Variants in GABRE observed in about 807,000 individuals in gnomAD.
The protein encoded by GABRE is gamma-aminobutyric acid type A receptor subunit epsilon.
Under a neutral mutation model 31.0 loss-of-function variants are expected in GABRE, and 20 were observed. The ratio of observed to expected loss-of-function variants is 0.64; its 90% CI spans 0.45 to 0.94. The LOEUF (loss-of-function observed/expected upper bound fraction) is 0.94, where lower values mean the gene tolerates loss of function less well. GABRE is among the 40% of genes least tolerant of loss of function. The probability of loss-of-function intolerance (pLI) is 0.00; values close to 1 mark genes in which losing one functional copy is unlikely to be tolerated. For missense variants in GABRE, 420 were observed against 410.7 expected (o/e 1.02, Z -0.20); for synonymous variants, 155 against 150.6 (o/e 1.03, Z -0.21).
At chrX:151,970,779 G>A (rs1310533028) in intron 1 of GABRE, among the ~76,000 whole-genome samples, 3 of 112,538 alleles carry the variant, frequency 2.7e-5, no homozygotes, top group Non-Finnish European at 5.6e-5. Context: ...CCAGGAGTGA[G>A]GAGCAGGCAG....
chrX:151,966,553 G>A (rs1216382699), intron 3 of GABRE, among the ~76,000 whole-genome samples: 2 of 112,080 alleles, frequency 1.8e-5, no homozygotes, highest in African/African-American at 3.2e-5. Flanking sequence ...CCTAACGGCA[G>A]CTTTGGCTTC....
In GABRE at chrX:151,954,867, C is replaced by T. The variant is rs747589943; in HGVS notation, c.1355G>A (p.Arg452His). ...GACCATGCAGAAGTACTTCTTAAAA[C>T]GCTTGCACCACTCACAGCAGGCCAG... ...SKLACCEWCK[R>H]FKKYFCMVPD... The change falls in exon 9 of 9, where the codon CGT (arginine) becomes CAT (histidine). Residue 452 changes from arginine (R) to histidine (H), a missense_variant. Coordinates refer to ENST00000370328, the MANE Select transcript of GABRE (RefSeq NM_004961.4). 1.2e-5 allele frequency: 14 copies of T among 1,210,192 alleles called. No individual in the cohort carries two copies. The highest frequency in any genetic ancestry group is 3.5e-5 in the African/African-American group (2 of 57,367).
Position 151,955,975 on chromosome X carries a change from G to T in GABRE, c.785-115C>A, listed in dbSNP as rs1452103387. The stretch of plus-strand genomic sequence containing the variant: ...GCTCACAGTATTCCCTAGGATAGAG[G>T]CATGATGTGACAATGCAATACATAC... On this transcript the variant is annotated intron_variant, in intron 6 of 8. Coordinates refer to ENST00000370328, the MANE Select transcript of GABRE (RefSeq NM_004961.4). 2.3e-5 allele frequency: 17 copies of T among 736,988 alleles called. No individual in the cohort carries two copies. In the African/African-American group the frequency reaches 2.6e-4, roughly 11 times the overall value. The allele number at this position is 736,988 out of a possible 1,213,427, so 60.7% of individuals were successfully genotyped here. A position where few individuals can be genotyped will look rare whatever the true frequency, so the allele number is the denominator to read the frequency against.
intron 3 of GABRE, among the ~76,000 whole-genome samples, chrX:151,965,018 G>A (rs1934485777): frequency 9.0e-6 from 1 of 111,444 alleles, no homozygotes; most frequent in Admixed American, 9.5e-5. Context: ...ATGCATGGTG[G>A]CAGGCATCTG....
chrX:151,963,497 C>G (rs1270505848), intron 3 of GABRE, among the ~76,000 whole-genome samples: 1 of 112,463 alleles, frequency 8.9e-6, no homozygotes, highest in Non-Finnish European at 1.9e-5. Context: ...GTCAACCACA[C>G]ATTTGAAAAT....
chrX:151,956,085 T>C (rs765737379), intron 6 of GABRE: 4 of 407,077 alleles, frequency 9.8e-6, no homozygotes, highest in African/African-American at 2.5e-5. Flanking sequence ...AGAATCTTAA[T>C]AGCTTCCTTC....
In GABRE at chrX:151,955,824, C is replaced by A. The variant is rs767558731; in HGVS notation, c.821G>T (p.Ser274Ile). 8.3e-7 allele frequency: 1 copy of A among 1,210,416 alleles called. No homozygotes were observed. Among genetic ancestry groups the A allele is most frequent in the African/African-American group, 1.7e-5 (1 of 57,227 alleles). ...FMVMTIFFNV[S>I]RRFGYVAFQN... Reference sequence around the variant, plus strand: ...AAAGGCAACATAGCCAAACCGCCTGCTCACATTGAAGAAAATCGTCATGAC... The same window carrying A: ...AAAGGCAACATAGCCAAACCGCCTGATCACATTGAAGAAAATCGTCATGAC... The change falls in exon 7 of 9, where the codon AGC (serine) becomes ATC (isoleucine). Residue 274 changes from serine to isoleucine, a missense_variant. Ser to Ile is a moderately radical substitution (Grantham distance 142). Coordinates refer to ENST00000370328, the MANE Select transcript of GABRE (RefSeq NM_004961.4).
At chrX:151,974,004 G>C (rs990735712) in intron 1 of GABRE, among the ~76,000 whole-genome samples, 79 of 111,231 alleles carry the variant, frequency 7.1e-4, no homozygotes, top group African/African-American at 2.5e-3. Context: ...GCACCAACAG[G>C]AGCAGCGGCA....
At chrX:151,961,501 T>TG in intron 4 of GABRE, 136 bp from the exon 5 acceptor site, 1 of 453,805 alleles carries the variant, frequency 2.2e-6, no homozygotes, top group Non-Finnish European at 3.9e-6. Flanking sequence ...AGTCTCACTC[T>TG]GTCACCCAGG....
chrX:151,974,195 A>C (rs1603110154), intron 1 of GABRE, among the ~76,000 whole-genome samples: 1 of 111,785 alleles, frequency 8.9e-6, no homozygotes, highest in East Asian at 2.9e-4. Flanking sequence ...CCAGTAGCTG[A>C]AGCCTGCCCT....
chrX:151,972,561 C>T (rs775407474), intron 1 of GABRE: 14 of 751,807 alleles, frequency 1.9e-5, no homozygotes, highest in Non-Finnish European at 2.0e-5. Flanking sequence ...ACGAGATCCT[C>T]CCCGCTGCCC....
rs1934011730 is a variant in GABRE, at chrX:151,953,272, A to T, written c.*1429T>A. 1 of 111,913 alleles carries T rather than the reference A, an allele frequency of 8.9e-6. No individual in the cohort carries two copies. The highest frequency in any genetic ancestry group is 3.8e-4 in the South Asian group (1 of 2,646). 9.2% of individuals were successfully genotyped at this position (111,913 alleles called of 1,213,427 possible). A position where few individuals can be genotyped will look rare whatever the true frequency, so the allele number is the denominator to read the frequency against. The stretch of plus-strand genomic sequence containing the variant: ...GAAGCATTGGGGCATGTCCAAATTC[A>T]TTCCACTGGGTTACTACAGCCAGGA... On this transcript the variant is annotated 3_prime_UTR_variant, in exon 9 of 9. Transcript: ENST00000370328.
intron 6 of GABRE, chrX:151,959,033 A>G (rs1934270232): frequency 3.0e-6 from 1 of 329,332 alleles, no homozygotes; most frequent in African/African-American, 2.7e-5. Context: ...CACATTCTGG[A>G]AACGATGAGG....
At chrX:151,957,573 T>G (rs1934214584) in intron 6 of GABRE, 1 of 290,812 alleles carries the variant, frequency 3.4e-6, no homozygotes, top group African/African-American at 2.8e-5. Context: ...GCACGAAGAT[T>G]TATTATTCTG....
Position 151,972,150 on chromosome X carries a change from A to G in GABRE, c.57-1748T>C, listed in dbSNP as rs1934725881. 6.7e-6 allele frequency: 5 copies of G among 751,311 alleles called. No homozygotes were observed. The South Asian group carries it at 3.4e-4, about 51-fold the overall frequency. 61.9% of individuals were successfully genotyped at this position (751,311 alleles called of 1,213,427 possible). A position where few individuals can be genotyped will look rare whatever the true frequency, so the allele number is the denominator to read the frequency against. On this transcript the variant is annotated intron_variant, in intron 1 of 8. Coordinates refer to ENST00000370328, the MANE Select transcript of GABRE (RefSeq NM_004961.4). ...TGCGGACCAAGGGACTGCCAACTTAAGAAGCAAAATGCATTTTTTCTGCAG... is the reference window on the plus strand; with the variant it reads ...TGCGGACCAAGGGACTGCCAACTTAGGAAGCAAAATGCATTTTTTCTGCAG...
At position 151,962,435 on chromosome X, in the gene GABRE, A is replaced by G. The variant is rs1191051593; in HGVS notation, c.551T>C (p.Leu184Ser). 8.3e-7 allele frequency: 1 copy of G among 1,208,852 alleles called. No individual in the cohort carries two copies. The highest frequency in any genetic ancestry group is 1.1e-6 in the Non-Finnish European group (1 of 893,638). Residue 184 changes from leucine to serine, a missense_variant, in exon 4 of 9, where the codon TTG becomes TCG. Transcript: ENST00000370328. Reference protein sequence around the residue: ...MVRIYKDGKVLYTIRMTIDAG... With the variant: ...MVRIYKDGKVSYTIRMTIDAG... Reference sequence around the variant, plus strand: ...AGGCTTGACATACCTAATTGTGTACAACACCTTGCCATCCTTGTAGATGCG... The same window carrying G: ...AGGCTTGACATACCTAATTGTGTACGACACCTTGCCATCCTTGTAGATGCG...
At chrX:151,967,306 G>A (rs554046973) in intron 3 of GABRE, among the ~76,000 whole-genome samples, 1 of 112,388 alleles carries the variant, frequency 8.9e-6, no homozygotes, top group Middle Eastern at 4.6e-3. Context: ...AAGGAGCAGA[G>A]AACTAGAAGA....
intron 5 of GABRE, among the ~76,000 whole-genome samples, chrX:151,960,624 ACCCAAC>A (rs1241882859): frequency 8.9e-6 from 1 of 111,806 alleles, no homozygotes; most frequent in Non-Finnish European, 1.9e-5. Context: ...CTAAGAAGTG[ACCCAAC>A]CTAGGTGACC....
intron 3 of GABRE, among the ~76,000 whole-genome samples, chrX:151,967,304 G>C (rs1414108141): frequency 1.8e-5 from 2 of 112,460 alleles, no homozygotes; most frequent in African/African-American, 6.5e-5. Flanking sequence ...CAAAGGAGCA[G>C]AGAACTAGAA....
Sources: gnomAD v4.1 joint callset for allele counts (sites outside exome capture counted in the v4.1 genomes callset) on GRCh38, gnomAD v4.1.1 for gene constraint, MANE v1.5 for transcripts, NCBI Gene and HGNC (gene_info 2026-07-23, HGNC 2026-07-21) for gene names.